Variants in NCAPG observed in about 807,000 individuals in gnomAD.
The protein encoded by NCAPG is non-SMC condensin I complex subunit G, also known as condensin complex subunit 3.
Under a neutral mutation model 113.1 loss-of-function variants are expected in NCAPG, and 69 were observed. The ratio of observed to expected loss-of-function variants is 0.61; its 90% confidence interval spans 0.50 to 0.75. The LOEUF is 0.75. Ranked by LOEUF, NCAPG falls within the 30% of genes least tolerant of loss-of-function variation. NCAPG has a pLI of 0.00. For missense variants in NCAPG, 1,058 were observed against 1,177.0 expected (o/e 0.90, Z 1.48); for synonymous variants, 370 against 415.8 (o/e 0.89, Z 1.34).
chr4:17,840,287 C>T lies in NCAPG; in HGVS notation c.2767+78C>T, dbSNP rs576748324. The stretch of plus-strand genomic sequence containing the variant: ...CTTTACTGAGACATATTTTTTTCTA[C>T]TCTAACATGTTTGGTTGGACATCAG... On this transcript the variant is annotated intron_variant, in intron 18 of 20. Coordinates refer to ENST00000251496, the MANE Select transcript of NCAPG (RefSeq NM_022346.5). 1.0e-5 allele frequency: 14 copies of T among 1,392,294 alleles called. No homozygotes were observed. The Admixed American group carries it at 2.5e-4, about 25-fold the overall frequency. The allele number at this position is 1,392,294 out of a possible 1,614,324, so 86.2% of individuals were successfully genotyped here. A position where few individuals can be genotyped will look rare whatever the true frequency, so the allele number is the denominator to read the frequency against.
At chr4:17,812,770 A>AT (rs1721051368) in intron 2 of NCAPG, 147 bp from the exon 3 acceptor site, 1 of 671,294 alleles carries the variant, frequency 1.5e-6, no homozygotes, top group Non-Finnish European at 2.5e-6. Flanking sequence ...TGCTATACAT[A>AT]TGGACCAAGG....
intron 5 of NCAPG, among the ~76,000 whole-genome samples, chr4:17,817,059 A>G (rs1015763546): frequency 5.9e-5 from 9 of 152,054 alleles, no homozygotes; most frequent in African/African-American, 1.7e-4. Flanking sequence ...GTTGCAGTGA[A>G]CCAAGATCGT....
In NCAPG at chr4:17,839,681, A is replaced by C; in HGVS notation, c.2472A>C (p.Leu824Phe). ...QAKTSQDYQA[L>F]TVHDNLAMKI... is the part of the protein sequence containing the mutation. ...ATTTTCTCTTAATTTTTTAGGCCTT[A>C]ACAGTACATGACAATTTGGCTATGA... Residue 824 changes from leucine to phenylalanine, a missense_variant, in exon 17 of 21, where the codon TTA becomes TTC. Coordinates refer to ENST00000251496, the MANE Select transcript of NCAPG (RefSeq NM_022346.5). 6.5e-7 allele frequency: 1 copy of C among 1,530,816 alleles called. No homozygotes were observed. The highest frequency in any genetic ancestry group is 8.7e-7 in the Non-Finnish European group (1 of 1,148,108). 94.8% of individuals were successfully genotyped at this position (1,530,816 alleles called of 1,614,324 possible).
intron 8 of NCAPG, 43 bp from the exon 9 acceptor site, chr4:17,823,604 G>A: frequency 6.4e-7 from 1 of 1,554,924 alleles, no homozygotes; most frequent in South Asian, 1.1e-5. Flanking sequence ...GATAAAACAT[G>A]TTTTGTCATA....
intron 5 of NCAPG, among the ~76,000 whole-genome samples, chr4:17,816,116 G>A (rs143040518): frequency 5.1e-4 from 78 of 151,746 alleles, no homozygotes; most frequent in Non-Finnish European, 9.9e-4. Context: ...TGACACCAAG[G>A]ATCGATTTCA....
Position 17,843,401 on chromosome 4 carries a change from A to G in NCAPG, c.3024A>G (p.Gln1008=). Residue 1008 remains glutamine (Q), a synonymous_variant, in exon 21 of 21, where the codon CAA becomes CAG. Coordinates refer to ENST00000251496, the MANE Select transcript of NCAPG (RefSeq NM_022346.5). ...ALEKSKLNLA[Q]FLNEDLS Reference sequence around the variant, plus strand: ...AAAAAAGTAAACTTAACCTTGCCCAATTTCTCAATGAAGATCTAAGTTAGG... The same window carrying G: ...AAAAAAGTAAACTTAACCTTGCCCAGTTTCTCAATGAAGATCTAAGTTAGG... 3.7e-6 allele frequency: 6 copies of G among 1,611,562 alleles called. No individual in the cohort carries two copies. Among genetic ancestry groups the G allele is most frequent in the Non-Finnish European group, 5.1e-6 (6 of 1,177,958 alleles).
intron 20 of NCAPG, chr4:17,842,582 G>T: frequency 1.9e-6 from 1 of 525,950 alleles, no homozygotes; most frequent in Non-Finnish European, 3.5e-6. Context: ...TTGCCTATTA[G>T]CTGGCATGGT....
At chr4:17,840,336 A>G (rs1722304730) in intron 18 of NCAPG, 127 bp downstream of exon 18, 2 of 1,006,396 alleles carry the variant, frequency 2.0e-6, no homozygotes, top group Non-Finnish European at 2.7e-6. Context: ...TTTTTTTCTA[A>G]TTAATCCTCT....
chr4:17,834,282 G>A lies in NCAPG; in HGVS notation c.1885-17G>A, dbSNP rs1721993722. The A allele has an allele frequency of 6.7e-6, 10 of 1,499,272 alleles. No homozygotes were observed. The East Asian group carries it at 1.4e-4, about 21-fold the overall frequency. 92.9% of individuals were successfully genotyped at this position (1,499,272 alleles called of 1,614,324 possible). ...TTACTGAATTTACTTTTTTTGGTGG[G>A]GAATATCTTGATTTAGGTTTTGCAA... is the stretch of plus-strand genomic sequence containing the variant. On this transcript the variant is annotated splice_polypyrimidine_tract_variant and intron_variant, in intron 13 of 20. Coordinates refer to ENST00000251496, the MANE Select transcript of NCAPG (RefSeq NM_022346.5).
rs1470809869 is a variant in NCAPG at position 17,825,017 on chromosome 4, TTAA to T, written c.1437_1439del (p.Asn480del). ...CGGGCGCCCATTGTTACTGTTGGTGTTAATAACGATCCAGCTGATGTAAGAAAG... is the reference window on the plus strand; with the variant it reads ...CGGGCGCCCATTGTTACTGTTGGTGTTAACGATCCAGCTGATGTAAGAAAG... On this transcript the variant is annotated inframe_deletion, in exon 10 of 21. Transcript: ENST00000251496. 3 of 1,612,872 alleles carry T rather than the reference TTAA, an allele frequency of 1.9e-6. No homozygotes were observed. The highest frequency in any genetic ancestry group is 2.5e-6 in the Non-Finnish European group (3 of 1,179,360).
chr4:17,835,957 G>A lies in NCAPG; in HGVS notation c.2110-1202G>A, dbSNP rs1043333155. Among the ~76,000 whole-genome samples, 3 of 152,174 alleles carry A rather than the reference G, an allele frequency of 2.0e-5. 1 individual carries two copies. The highest frequency in any genetic ancestry group is 4.1e-4 in the South Asian group (2 of 4,832). ...ATGGCATGTATATGTATTTGTTTGAGTAGCTGTTTCAATTCTTTTGGGTAT... is the reference window on the plus strand; with the variant it reads ...ATGGCATGTATATGTATTTGTTTGAATAGCTGTTTCAATTCTTTTGGGTAT... On this transcript the variant is annotated intron_variant, in intron 14 of 20. Transcript: ENST00000251496.
At chr4:17,831,228 G>T in intron 13 of NCAPG, 112 bp downstream of exon 13, 4 of 1,175,344 alleles carry the variant, frequency 3.4e-6, no homozygotes, top group South Asian at 1.8e-5. Context: ...TGATTATTAT[G>T]GATAATCTTT....
At chr4:17,840,467 G>C (rs1006520117) in intron 18 of NCAPG, 140 bp from the exon 19 acceptor site, 1 of 602,864 alleles carries the variant, frequency 1.7e-6, no homozygotes, top group African/African-American at 1.9e-5. Context: ...TCAAATTTTC[G>C]AAAGGGTGAT....
Position 17,811,049 on chromosome 4 carries a change from A to C in NCAPG, c.-29A>C. 2.9e-6 allele frequency: 4 copies of C among 1,388,830 alleles called. No homozygotes were observed. The highest frequency in any genetic ancestry group is 3.8e-6 in the Non-Finnish European group (4 of 1,040,740). 86.0% of individuals were successfully genotyped at this position (1,388,830 alleles called of 1,614,324 possible). On this transcript the variant is annotated 5_prime_UTR_variant, in exon 1 of 21. Coordinates refer to ENST00000251496, the MANE Select transcript of NCAPG (RefSeq NM_022346.5). This position sits in a 1 kb window ranked among gnomAD's most constrained non-coding sequence, Gnocchi z 5.3. ...TGGCAGGCTGTAGCCGAGCGCGGGC[A>C]GGACTCGTCCCGGCAGGGTTCCAGA... is the stretch of plus-strand genomic sequence containing the variant.
At chr4:17,837,531 AAT>A in intron 15 of NCAPG, 94 bp from the exon 16 acceptor site, 1 of 1,389,344 alleles carries the variant, frequency 7.2e-7, no homozygotes, top group South Asian at 1.4e-5. Flanking sequence ...AAATGCACTT[AAT>A]GAGTGAATTT....
intron 7 of NCAPG, among the ~76,000 whole-genome samples, chr4:17,822,096 A>G (rs1284650754): frequency 6.6e-6 from 1 of 152,120 alleles, no homozygotes; most frequent in African/African-American, 2.4e-5. Flanking sequence ...GATTTTTTTC[A>G]AAAAAGATAA....
chr4:17,837,073 G>A (rs946021103), intron 14 of NCAPG, 86 bp from the exon 15 acceptor site: 1 of 1,208,580 alleles, frequency 8.3e-7, no homozygotes, highest in Non-Finnish European at 1.2e-6. Context: ...GATGGTTCGT[G>A]TAAAAATACT....
intron 2 of NCAPG, 71 bp downstream of exon 2, chr4:17,812,495 T>C: frequency 9.1e-7 from 1 of 1,100,680 alleles, no homozygotes. Flanking sequence ...TCGTGGGAGT[T>C]TGTATGTTTT....
At chr4:17,813,757 G>T (rs139929111) in intron 3 of NCAPG, among the ~76,000 whole-genome samples, 3 of 151,718 alleles carry the variant, frequency 2.0e-5, no homozygotes, top group Non-Finnish European at 4.4e-5. Flanking sequence ...ATTATGATTC[G>T]TATTTTTTAA....
Sources: gnomAD v4.1 joint callset for allele counts (sites outside exome capture counted in the v4.1 genomes callset) on GRCh38, gnomAD v4.1.1 for gene constraint, Gnocchi (gnomAD v3.1) non-coding constraint, MANE v1.5 for transcripts, NCBI Gene and HGNC (gene_info 2026-07-23, HGNC 2026-07-21) for gene names.